GYS1: variants seen among roughly 807,000 people sequenced by gnomAD.
The protein encoded by GYS1 is glycogen synthase 1, also known as glycogen [starch] synthase, muscle.
A neutral mutation model predicts 89.1 loss-of-function variants in GYS1; 60 were observed. That is an observed-to-expected ratio of 0.67 (90% CI 0.55 to 0.84). The LOEUF is 0.84. Ranked by LOEUF, GYS1 falls within the 40% of genes least tolerant of loss-of-function variation. The probability of loss-of-function intolerance (pLI) is 0.00; values close to 1 mark genes in which losing one functional copy is unlikely to be tolerated. For synonymous variants in GYS1, 366 were observed against 401.7 expected (o/e 0.91, Z 1.06); for missense variants, 888 against 1,003.1 (o/e 0.89, Z 1.55).
chr19:48,974,779 A>G lies in GYS1; in HGVS notation c.1309-46T>C. 3 of 1,315,982 alleles carry G rather than the reference A, an allele frequency of 2.3e-6. No individual in the cohort carries two copies. In the South Asian group the frequency reaches 3.5e-5, roughly 15 times the overall value. 81.5% of individuals were successfully genotyped at this position (1,315,982 alleles called of 1,614,324 possible). A position where few individuals can be genotyped will look rare whatever the true frequency, so the allele number is the denominator to read the frequency against. ...GTAAGGGGTCATGGAAGGGACAGAG[A>G]ACTCCCTACTTCCTCATGAGCCATG... On this transcript the variant is annotated intron_variant, in intron 10 of 15. Transcript: ENST00000323798.
In GYS1 at chr19:48,991,612, G is replaced by T; in HGVS notation, c.119-129C>A. The T allele has an allele frequency of 1.0e-6, 1 of 985,742 alleles. No individual in the cohort carries two copies. Among genetic ancestry groups the T allele is most frequent in the Non-Finnish European group, 1.5e-6 (1 of 645,502 alleles). 61.1% of individuals were successfully genotyped at this position (985,742 alleles called of 1,614,324 possible). On this transcript the variant is annotated intron_variant, in intron 1 of 15. Coordinates refer to ENST00000323798, the MANE Select transcript of GYS1 (RefSeq NM_002103.5). The surrounding 1 kb of genome is among the most constrained non-coding windows in gnomAD (Gnocchi z 4.7). ...TCTAGCTCAGGGGGAAGAGGGGACTGGGAGCCCATAGTTTGGAGTAGGGGT... is the reference window on the plus strand; with the variant it reads ...TCTAGCTCAGGGGGAAGAGGGGACTTGGAGCCCATAGTTTGGAGTAGGGGT...
chr19:48,976,372 G>T (rs1253471453), intron 10 of GYS1, among the ~76,000 whole-genome samples: 1 of 152,058 alleles, frequency 6.6e-6, no homozygotes, highest in African/African-American at 2.4e-5. Context: ...CAAGGGAAGC[G>T]TCAATGCCCC....
intron 10 of GYS1, among the ~76,000 whole-genome samples, chr19:48,975,643 AAC>A (rs2038633802): frequency 6.6e-6 from 1 of 151,904 alleles, no homozygotes; most frequent in Non-Finnish European, 1.5e-5. Flanking sequence ...ATTCACTTCC[AAC>A]CACCAGGCGT....
chr19:48,987,377 G>A lies in GYS1; in HGVS notation c.309C>T (p.Phe103=), dbSNP rs1390208595. ...GGCCTCCCTCGATCAGCCAGCGCCC[G>A]AAATACACCTGGGATGGGGTTGGGG... ...SMNSKGCKVY[F]GRWLIEGGPL... The change falls in exon 3 of 16, where the codon TTC becomes TTT. Residue 103 remains phenylalanine (F), a synonymous_variant. Coordinates refer to ENST00000323798, the MANE Select transcript of GYS1 (RefSeq NM_002103.5). The A allele has an allele frequency of 1.2e-5, 20 of 1,600,650 alleles. No homozygotes were observed. The highest frequency in any genetic ancestry group is 5.1e-5 in the Admixed American group (3 of 58,344).
chr19:48,985,587 C>T lies in GYS1; in HGVS notation c.697G>A (p.Ala233Thr). The change falls in exon 5 of 16, where the codon GCA (alanine) becomes ACA (threonine). Residue 233 changes from alanine (A) to threonine (T), a missense_variant. Ala to Thr is a moderately conservative substitution (Grantham distance 58, BLOSUM62 0). Coordinates refer to ENST00000323798, the MANE Select transcript of GYS1 (RefSeq NM_002103.5). ...NLENFNVDKEAGERQIYHRYC... is the reference protein window; with the variant it reads ...NLENFNVDKETGERQIYHRYC... ...CGGTGGTAGATCTGCCTCTCCCCTG[C>T]TTCCTTGTCCACGTTGAACTGGGTG... 1 of 1,614,130 alleles carries T rather than the reference C, an allele frequency of 6.2e-7. No individual in the cohort carries two copies. Among genetic ancestry groups the T allele is most frequent in the East Asian group, 2.2e-5 (1 of 44,878 alleles).
intron 11 of GYS1, 51 bp downstream of exon 11, chr19:48,974,569 C>A (rs1015090520): frequency 1.6e-6 from 2 of 1,270,906 alleles, no homozygotes; most frequent in Non-Finnish European, 2.3e-6. Context: ...GCCCAGGACC[C>A]AACCCCTTCC....
intron 6 of GYS1, 144 bp from the exon 7 acceptor site, chr19:48,982,519 G>T: frequency 1.0e-6 from 1 of 955,972 alleles, no homozygotes; most frequent in Non-Finnish European, 1.7e-6. Flanking sequence ...CCTGGGAGTT[G>T]TAGTTCTTCT....
chr19:48,977,929 T>TC lies in GYS1; in HGVS notation c.1302_1303insG (p.Thr435AspfsTer17). On this transcript the variant is annotated frameshift_variant, in exon 10 of 16. Transcript: ENST00000323798. LOFTEE classifies it high-confidence loss of function. The stretch of plus-strand genomic sequence containing the variant: ...CACAGAGGTCCAATCCATACCTGCG[T>TC]TGCAAAGATGGCTCTCTTCATCATA... The TC allele has an allele frequency of 6.2e-7, 1 of 1,612,854 alleles. No homozygotes were observed. Among genetic ancestry groups the TC allele is most frequent in the Non-Finnish European group, 8.5e-7 (1 of 1,178,846 alleles).
Position 48,984,394 on chromosome 19 carries a change from C to CTT in GYS1, c.823+1065_823+1066dup, listed in dbSNP as rs60151981. On this transcript the variant is annotated intron_variant, in intron 5 of 15. Coordinates refer to ENST00000323798, the MANE Select transcript of GYS1 (RefSeq NM_002103.5). ...TTGGATTTTGATGAGATATTCAACA[C>CTT]TTTTTTTTTTTAATTTTTTGAGATG... Among the ~76,000 whole-genome samples, 74 of 147,264 alleles carry CTT rather than the reference C, an allele frequency of 5.0e-4. 1 individual carries two copies. Among genetic ancestry groups the CTT allele is most frequent in the African/African-American group, 1.0e-3 (42 of 40,004 alleles).
intron 6 of GYS1, 99 bp downstream of exon 6, chr19:48,982,621 C>T (rs772850890): frequency 2.1e-6 from 2 of 968,132 alleles, no homozygotes; most frequent in Non-Finnish European, 1.7e-6. Flanking sequence ...CTCCCTCAGA[C>T]CCAGGAGTCT....
chr19:48,987,590 AT>A (rs879378278), intron 2 of GYS1, among the ~76,000 whole-genome samples: 1 of 151,584 alleles, frequency 6.6e-6, no homozygotes, highest in Non-Finnish European at 1.5e-5. Flanking sequence ...CCTGCTACAC[AT>A]TTTTTCCATC....
intron 2 of GYS1, among the ~76,000 whole-genome samples, chr19:48,989,704 C>A (rs540683370): frequency 3.2e-4 from 48 of 152,246 alleles, no homozygotes; most frequent in African/African-American, 1.1e-3. Flanking sequence ...GGATTCCAGG[C>A]ATGAGCCACC....
rs779233570 is a variant in GYS1, at chr19:48,969,474, A to G, written c.2028T>C (p.Asp676=). The G allele has an allele frequency of 1.9e-6, 3 of 1,545,232 alleles. No homozygotes were observed. In the South Asian group the frequency reaches 3.6e-5, roughly 18 times the overall value. The change falls in exon 16 of 16, where the codon GAT becomes GAC. Residue 676 remains aspartate, a synonymous_variant. Coordinates refer to ENST00000323798, the MANE Select transcript of GYS1 (RefSeq NM_002103.5). ...GGTCCTTGGCGGCCTCCTCGTCCTC[A>G]TCGTAGCGCTCGCCGTCTTCCTCCA... is the stretch of plus-strand genomic sequence containing the variant. ...GPLEEDGERY[D]EDEEAAKDRR... is the part of the protein sequence containing the mutation.
chr19:48,982,173 G>A, intron 7 of GYS1, 82 bp downstream of exon 7: 1 of 1,416,872 alleles, frequency 7.1e-7, no homozygotes, highest in Non-Finnish European at 9.9e-7. Context: ...GATTACAGGT[G>A]TGAGCCACTG....
chr19:48,981,844 C>A (rs189204144), intron 7 of GYS1, among the ~76,000 whole-genome samples: 9 of 152,122 alleles, frequency 5.9e-5, no homozygotes, highest in Non-Finnish European at 8.8e-5. Flanking sequence ...TTTCCTACCC[C>A]CATCTTCCTG....
intron 8 of GYS1, among the ~76,000 whole-genome samples, chr19:48,980,055 C>T (rs1380428367): frequency 3.3e-5 from 5 of 152,164 alleles, no homozygotes; most frequent in African/African-American, 4.8e-5. Flanking sequence ...AATGATCCTC[C>T]TGCCTCCTGT....
Position 48,974,274 on chromosome 19 carries a change from A to T in GYS1, c.1488T>A (p.Phe496Leu). 6.2e-7 allele frequency: 1 copy of T among 1,613,922 alleles called. No individual in the cohort carries two copies. ...SPLLPVDYEE[F>L]VRGCHLGVFP... Reference sequence around the variant, plus strand: ...AGACTCCAAGGTGACAGCCACGGACAAACTCCTCATAGTCCACAGGGAGCA... The same window carrying T: ...AGACTCCAAGGTGACAGCCACGGACTAACTCCTCATAGTCCACAGGGAGCA... The change falls in exon 12 of 16, where the codon TTT (phenylalanine) becomes TTA (leucine). Residue 496 changes from phenylalanine (F) to leucine (L), a missense_variant. Transcript: ENST00000323798.
intron 11 of GYS1, 66 bp downstream of exon 11, chr19:48,974,554 G>A: frequency 8.8e-7 from 1 of 1,138,266 alleles, no homozygotes; most frequent in South Asian, 1.2e-5. Context: ...AATGGAGTGT[G>A]TGAGGCCCAG....
rs1048260478 is a variant in GYS1, at chr19:48,991,198, G to A, written c.300+104C>T. 1.1e-4 allele frequency: 136 copies of A among 1,253,220 alleles called. 2 individuals carry two copies. The highest frequency in any genetic ancestry group is 8.8e-4 in the South Asian group (73 of 82,972). The allele number at this position is 1,253,220 out of a possible 1,614,324, so 77.6% of individuals were successfully genotyped here. A position where few individuals can be genotyped will look rare whatever the true frequency, so the allele number is the denominator to read the frequency against. On this transcript the variant is annotated intron_variant, in intron 2 of 15. Transcript: ENST00000323798. This position sits in a 1 kb window ranked among gnomAD's most constrained non-coding sequence, Gnocchi z 4.7. ...TCCTTCCTGTGTCCAAGCCTGCCTC[G>A]CTCTCTGGCTGGGGCTGTCCACCCT... is the stretch of plus-strand genomic sequence containing the variant.
Sources: gnomAD v4.1 joint callset for allele counts (sites outside exome capture counted in the v4.1 genomes callset) on GRCh38, gnomAD v4.1.1 for gene constraint, Gnocchi (gnomAD v3.1) non-coding constraint, MANE v1.5 for transcripts, NCBI Gene and HGNC (gene_info 2026-07-23, HGNC 2026-07-21) for gene names.